Variants in HS6ST3 observed in about 807,000 individuals in gnomAD.
HS6ST3 encodes heparan sulfate 6-O-sulfotransferase 3, also known as heparan-sulfate 6-O-sulfotransferase 3.
HS6ST3 carries 12 observed loss-of-function variants against 36.7 expected under a neutral mutation model. The observed-to-expected ratio is 0.33, with a 90% CI of 0.21 to 0.53. The LOEUF is 0.53. HS6ST3 is among the 20% of genes least tolerant of loss of function. The pLI, the probability that HS6ST3 is intolerant of heterozygous loss-of-function variation, is 0.95. For missense variants in HS6ST3, 584 were observed against 640.9 expected (o/e 0.91, Z 0.96); for synonymous variants, 240 against 257.5 (o/e 0.93, Z 0.65).
At chr13:96,241,786 C>CTTTTTTTTTTTT (rs1235986148) in intron 1 of HS6ST3, among the ~76,000 whole-genome samples, 1 of 131,424 alleles carries the variant, frequency 7.6e-6, no homozygotes, top group Non-Finnish European at 1.6e-5. Flanking sequence ...TTTTTTCTTT[C>CTTTTTTTTTTTT]TTTTTTTTTT....
At chr13:96,583,878 G>A (rs2056351419) in intron 1 of HS6ST3, among the ~76,000 whole-genome samples, 1 of 152,060 alleles carries the variant, frequency 6.6e-6, no homozygotes, top group Non-Finnish European at 1.5e-5. Flanking sequence ...ATTCTTTGTG[G>A]TTGGCTGTCC....
intron 1 of HS6ST3, among the ~76,000 whole-genome samples, chr13:96,267,988 A>C (rs2054700983): frequency 6.6e-6 from 1 of 151,948 alleles, no homozygotes; most frequent in Non-Finnish European, 1.5e-5. Flanking sequence ...TCTTCTTTAC[A>C]GACACACACA....
At chr13:96,601,885 G>A (rs771164534) in intron 1 of HS6ST3, among the ~76,000 whole-genome samples, 36 of 152,052 alleles carry the variant, frequency 2.4e-4, no homozygotes, top group Non-Finnish European at 4.6e-4. Context: ...GTATAAGTTC[G>A]TTGTTTATGG....
chr13:96,778,436 G>A (rs553305264), intron 1 of HS6ST3, among the ~76,000 whole-genome samples: 2 of 151,924 alleles, frequency 1.3e-5, no homozygotes, highest in South Asian at 2.1e-4. Flanking sequence ...CTGACAAAGG[G>A]TTAATATCTG....
chr13:96,200,320 T>C (rs2054335200), intron 1 of HS6ST3, among the ~76,000 whole-genome samples: 1 of 152,200 alleles, frequency 6.6e-6, no homozygotes, highest in Admixed American at 6.5e-5. Context: ...TTATCTCTTA[T>C]CACTCTCCCC....
intron 1 of HS6ST3, among the ~76,000 whole-genome samples, chr13:96,112,267 T>C (rs1411246066): frequency 6.6e-6 from 1 of 152,088 alleles, no homozygotes; most frequent in African/African-American, 2.4e-5. Flanking sequence ...TATTGCATAA[T>C]TATGTAACAA....
intron 1 of HS6ST3, among the ~76,000 whole-genome samples, chr13:96,421,775 A>G (rs1489213643): frequency 6.6e-6 from 1 of 152,196 alleles, no homozygotes; most frequent in East Asian, 1.9e-4. Flanking sequence ...AACAGTACAC[A>G]TATTGTTTGT....
chr13:96,715,399 G>A (rs1875671078), intron 1 of HS6ST3, among the ~76,000 whole-genome samples: 1 of 151,990 alleles, frequency 6.6e-6, no homozygotes, highest in Non-Finnish European at 1.5e-5. Flanking sequence ...CTTAAAAAGA[G>A]CTCTAAAAAC....
chr13:96,586,602 G>A (rs1386401498), intron 1 of HS6ST3, among the ~76,000 whole-genome samples: 1 of 152,046 alleles, frequency 6.6e-6, no homozygotes, highest in Non-Finnish European at 1.5e-5. Flanking sequence ...GGCCTTGAAT[G>A]TCTTCTTTTG....
chr13:96,344,675 C>T (rs1472578140), intron 1 of HS6ST3, among the ~76,000 whole-genome samples: 1 of 152,168 alleles, frequency 6.6e-6, no homozygotes, highest in Admixed American at 6.5e-5. Context: ...TCCTCTATTA[C>T]AAAGAAGCGT....
In HS6ST3 at chr13:96,183,211, A is replaced by C. The variant is rs188433960; in HGVS notation, c.707+91642A>C. 8.5e-5 allele frequency among the ~76,000 whole-genome samples: 13 copies of C among 152,296 alleles called. No homozygotes were observed. In the East Asian group the frequency reaches 2.3e-3, roughly 27 times the overall value. On this transcript the variant is annotated intron_variant, in intron 1 of 1. Coordinates refer to ENST00000376705, the MANE Select transcript of HS6ST3 (RefSeq NM_153456.4). ...TAAAGCTTTTTTTTGGCGGGGGGGA[A>C]GTCTCGTATAAAAGTTGATTTTTCT...
chr13:96,633,623 T>C (rs114719311), intron 1 of HS6ST3, among the ~76,000 whole-genome samples: 31 of 152,266 alleles, frequency 2.0e-4, no homozygotes, highest in African/African-American at 7.5e-4. Flanking sequence ...GTTTCCAATG[T>C]TCATCAATAT....
chr13:96,172,219 G>C (rs2054190809), intron 1 of HS6ST3, among the ~76,000 whole-genome samples: 1 of 152,198 alleles, frequency 6.6e-6, no homozygotes, highest in South Asian at 2.1e-4. Flanking sequence ...ATTCCACAGT[G>C]ATCTTCATGT....
intron 1 of HS6ST3, among the ~76,000 whole-genome samples, chr13:96,738,776 G>C (rs1404188463): frequency 1.3e-5 from 2 of 152,054 alleles, no homozygotes; most frequent in Non-Finnish European, 2.9e-5. Flanking sequence ...ATTACTATCA[G>C]CCTTCAAACT....
chr13:96,489,842 G>A (rs1268871443), intron 1 of HS6ST3, among the ~76,000 whole-genome samples: 1 of 152,034 alleles, frequency 6.6e-6, no homozygotes, highest in African/African-American at 2.4e-5. Flanking sequence ...TTATATCATA[G>A]CATATCAGAT....
intron 1 of HS6ST3, among the ~76,000 whole-genome samples, chr13:96,118,632 T>G (rs1179050195): frequency 1.5e-5 from 2 of 133,316 alleles, no homozygotes; most frequent in South Asian, 2.4e-4. Context: ...CAATACTAAT[T>G]AAGAACATTA....
chr13:96,487,591 A>G (rs886927314), intron 1 of HS6ST3, among the ~76,000 whole-genome samples: 4 of 152,106 alleles, frequency 2.6e-5, no homozygotes, highest in African/African-American at 9.7e-5. Context: ...CTCCAGTTTT[A>G]CCCATTTATA....
chr13:96,445,969 G>C (rs2055696228), intron 1 of HS6ST3, among the ~76,000 whole-genome samples: 1 of 152,036 alleles, frequency 6.6e-6, no homozygotes, highest in African/African-American at 2.4e-5. Context: ...TCAGGAGATT[G>C]AGACCATTCT....
intron 1 of HS6ST3, among the ~76,000 whole-genome samples, chr13:96,706,516 G>A (rs2138457155): frequency 6.7e-6 from 1 of 150,124 alleles, no homozygotes; most frequent in Middle Eastern, 3.4e-3. Flanking sequence ...CTCTCAGGAG[G>A]TGGGCTTTTA....
Sources: gnomAD v4.1 joint callset for allele counts (sites outside exome capture counted in the v4.1 genomes callset) on GRCh38, gnomAD v4.1.1 for gene constraint, MANE v1.5 for transcripts, NCBI Gene and HGNC (gene_info 2026-07-23, HGNC 2026-07-21) for gene names.